Variants in LINGO2 observed in about 807,000 individuals in gnomAD.
LINGO2 encodes the protein leucine-rich repeat and immunoglobulin-like domain-containing nogo receptor-interacting protein 2.
LINGO2 carries 14 observed loss-of-function variants against 30.6 expected under a neutral mutation model. The observed-to-expected ratio is 0.46, with a 90% CI of 0.30 to 0.72. The LOEUF is 0.72. LINGO2 is among the 30% of genes least tolerant of loss of function. The pLI is 0.07. For missense variants in LINGO2, 729 were observed against 751.7 expected, an observed-to-expected ratio of 0.97 and a Z score of 0.35; for synonymous variants, 317 against 288.5, an observed-to-expected ratio of 1.10 and a Z score of -1.00.
chr9:28,989,452 A>G, the LINGO2 span, among the ~76,000 whole-genome samples: 14 of 152,226 alleles, frequency 9.2e-5, no homozygotes, highest in Non-Finnish European at 1.9e-4. Flanking sequence ...GTGACTGAAT[A>G]TGACAAATTG....
intron 4 of LINGO2, among the ~76,000 whole-genome samples, chr9:28,045,266 C>T (rs1274672481): frequency 1.3e-5 from 2 of 152,094 alleles, no homozygotes; most frequent in East Asian, 3.9e-4. Flanking sequence ...TACGCTCAGT[C>T]ACCCAAGGGA....
At chr9:27,945,377 G>A (rs150109857), downstream of LINGO2, among the ~76,000 whole-genome samples, 10 of 152,150 alleles carry the variant, frequency 6.6e-5, no homozygotes, top group East Asian at 1.9e-3. Flanking sequence ...AAGAACTGAG[G>A]AACACAGAAT....
chr9:28,896,734 C>A, the LINGO2 span, among the ~76,000 whole-genome samples: 1 of 152,038 alleles, frequency 6.6e-6, no homozygotes, highest in African/African-American at 2.4e-5. Context: ...ACTCAGTTTA[C>A]TCATATGTAT....
the LINGO2 span, chr9:27,939,469 C>T: frequency 6.6e-6 from 1 of 152,296 alleles, no homozygotes. Flanking sequence ...CCAGGTGTTG[C>T]TAAAACAGAA....
intron 4 of LINGO2, among the ~76,000 whole-genome samples, chr9:28,193,285 T>C (rs1023497199): frequency 2.6e-5 from 4 of 152,182 alleles, no homozygotes; most frequent in Admixed American, 2.0e-4. Flanking sequence ...TTCCATGTTA[T>C]TTTACTACAA....
the LINGO2 span, among the ~76,000 whole-genome samples, chr9:28,898,644 A>G: frequency 6.6e-6 from 1 of 152,326 alleles, no homozygotes; most frequent in South Asian, 2.1e-4. Flanking sequence ...TAATATTTAT[A>G]GGAATGGGAG....
intron 4 of LINGO2, among the ~76,000 whole-genome samples, chr9:28,247,627 A>G (rs1172422270): frequency 1.3e-5 from 2 of 152,118 alleles, no homozygotes; most frequent in Non-Finnish European, 1.5e-5. Context: ...GAGAGCATCA[A>G]GACAAATAGC....
the LINGO2 span, among the ~76,000 whole-genome samples, chr9:28,990,866 C>T: frequency 1.3e-5 from 2 of 152,148 alleles, no homozygotes; most frequent in African/African-American, 2.4e-5. Flanking sequence ...ACATCACCAT[C>T]ATCACCATCA....
chr9:28,531,235 T>C (rs1006476422), intron 1 of LINGO2, among the ~76,000 whole-genome samples: 3 of 152,008 alleles, frequency 2.0e-5, no homozygotes, highest in Non-Finnish European at 4.4e-5. Context: ...ATAGTAATGC[T>C]TTATCAAAGC....
At chr9:29,054,488 T>C in the LINGO2 span, among the ~76,000 whole-genome samples, 3 of 152,214 alleles carry the variant, frequency 2.0e-5, no homozygotes, top group African/African-American at 7.2e-5. Context: ...ATGGAATTGT[T>C]TTCCTACTTT....
At chr9:28,357,915 T>C (rs35242678) in intron 3 of LINGO2, among the ~76,000 whole-genome samples, 12,124 of 152,086 alleles carry the variant, frequency 0.08, 640 homozygotes, top group East Asian at 0.16. Flanking sequence ...TTAAATCAAA[T>C]AAATCCAACA....
intron 3 of LINGO2, among the ~76,000 whole-genome samples, chr9:28,356,072 A>G (rs774377919): frequency 1.3e-5 from 2 of 152,174 alleles, no homozygotes; most frequent in African/African-American, 4.8e-5. Flanking sequence ...AGATTATGGA[A>G]TTATCTCCAG....
intron 4 of LINGO2, among the ~76,000 whole-genome samples, chr9:28,050,174 G>C (rs1417146348): frequency 6.6e-6 from 1 of 150,504 alleles, no homozygotes; most frequent in African/African-American, 2.5e-5. Flanking sequence ...CTAAAATTCT[G>C]AATAAAAAGG....
chr9:28,371,908 G>T (rs530569735), intron 3 of LINGO2, among the ~76,000 whole-genome samples: 111 of 152,272 alleles, frequency 7.3e-4, no homozygotes, highest in African/African-American at 2.6e-3. Flanking sequence ...TAGAATAGGT[G>T]AAGGTTTATT....
At chr9:29,025,105 A>G in the LINGO2 span, among the ~76,000 whole-genome samples, 1 of 152,066 alleles carries the variant, frequency 6.6e-6, no homozygotes, top group Non-Finnish European at 1.5e-5. Context: ...ACAGATTGCA[A>G]TCTGTTTTTC....
chr9:28,258,871 G>C (rs1822469367), intron 4 of LINGO2, among the ~76,000 whole-genome samples: 1 of 151,656 alleles, frequency 6.6e-6, no homozygotes, highest in Non-Finnish European at 1.5e-5. Flanking sequence ...TGAAAGCCTA[G>C]GCAAGCATGG....
At chr9:28,450,856 A>G (rs777103709) in intron 2 of LINGO2, among the ~76,000 whole-genome samples, 6 of 151,992 alleles carry the variant, frequency 3.9e-5, no homozygotes, top group Non-Finnish European at 8.8e-5. Context: ...ATAAAAATAA[A>G]AGTTAAACCA....
At chr9:28,773,319 C>T in the LINGO2 span, among the ~76,000 whole-genome samples, 1 of 147,222 alleles carries the variant, frequency 6.8e-6, no homozygotes, top group African/African-American at 2.6e-5. Flanking sequence ...GAGCTGAGAT[C>T]GTGCCACTGC....
intron 1 of LINGO2, among the ~76,000 whole-genome samples, chr9:28,545,647 A>G (rs1821897486): frequency 6.6e-6 from 1 of 151,808 alleles, no homozygotes; most frequent in Non-Finnish European, 1.5e-5. Flanking sequence ...AAGTGAAAGG[A>G]GAGGAAAAAG....
Sources: allele counts gnomAD v4.1 joint callset (sites outside exome capture counted in the v4.1 genomes callset), GRCh38; gene constraint gnomAD v4.1.1; transcripts MANE v1.5; gene names NCBI Gene and HGNC (gene_info 2026-07-23, HGNC 2026-07-21).